Variants in PLCXD3 observed in about 807,000 individuals in gnomAD.
PLCXD3 encodes the protein PI-PLC X domain-containing protein 3.
PLCXD3 carries 19 observed loss-of-function variants against 25.5 expected under a neutral mutation model. The ratio of observed to expected loss-of-function variants is 0.75; its 90% CI spans 0.52 to 1.09. The LOEUF (loss-of-function observed/expected upper bound fraction) is 1.09. PLCXD3 is among the 50% of genes least tolerant of loss of function. PLCXD3 has a pLI of 0.00. For missense variants in PLCXD3, 411 were observed against 388.1 expected (o/e 1.06, Z -0.50); for synonymous variants, 174 against 137.6 (o/e 1.26, Z -1.85).
At chr5:41,470,171 G>A (rs1045447626) in intron 1 of PLCXD3, among the ~76,000 whole-genome samples, 1 of 152,106 alleles carries the variant, frequency 6.6e-6, no homozygotes, top group Non-Finnish European at 1.5e-5. Context: ...CCAAACAAAG[G>A]GGGGTGGCAG....
chr5:41,491,870 G>C (rs1461681785), intron 1 of PLCXD3, among the ~76,000 whole-genome samples: 1 of 151,974 alleles, frequency 6.6e-6, no homozygotes, highest in Non-Finnish European at 1.5e-5. Context: ...CACACTGATG[G>C]GTCTTGACTC....
chr5:41,367,215 A>T (rs985989738), intron 2 of PLCXD3, among the ~76,000 whole-genome samples: 2 of 152,066 alleles, frequency 1.3e-5, no homozygotes, highest in Non-Finnish European at 2.9e-5. Context: ...GAATTGACAC[A>T]TTGTCTTCCA....
chr5:41,421,564 G>A (rs969554365), intron 1 of PLCXD3, among the ~76,000 whole-genome samples: 1 of 152,282 alleles, frequency 6.6e-6, no homozygotes, highest in Non-Finnish European at 1.5e-5. Flanking sequence ...AACCGGGCGC[G>A]GTGGCGGGGG....
intron 2 of PLCXD3, among the ~76,000 whole-genome samples, chr5:41,354,729 C>T (rs1174766772): frequency 6.6e-6 from 1 of 152,120 alleles, no homozygotes; most frequent in African/African-American, 2.4e-5. Context: ...GTAATATTGT[C>T]TCACTCAAAC....
chr5:41,463,215 CAGACTTGGTACCTTCT>C (rs369944945), intron 1 of PLCXD3, among the ~76,000 whole-genome samples: 2,100 of 152,096 alleles, frequency 0.014, 53 homozygotes, highest in African/African-American at 0.047. Flanking sequence ...CAAAGTACCA[CAGACTTGGTACCTTCT>C]AGACAATAAA....
intron 1 of PLCXD3, among the ~76,000 whole-genome samples, chr5:41,436,179 T>C (rs564101775): frequency 6.6e-6 from 1 of 152,126 alleles, no homozygotes; most frequent in South Asian, 2.1e-4. Flanking sequence ...ATATTACATG[T>C]GGTTCAACTC....
intron 1 of PLCXD3, among the ~76,000 whole-genome samples, chr5:41,499,004 C>T (rs1748896112): frequency 6.6e-6 from 1 of 151,100 alleles, no homozygotes; most frequent in South Asian, 2.1e-4. Context: ...AGAAATATAC[C>T]TTGACACAAT....
intron 2 of PLCXD3, among the ~76,000 whole-genome samples, chr5:41,360,604 A>T: frequency 6.6e-6 from 1 of 152,186 alleles, no homozygotes; most frequent in East Asian, 1.9e-4. Flanking sequence ...CCTGAGAGCC[A>T]AAATGCAGTG....
intron 1 of PLCXD3, among the ~76,000 whole-genome samples, chr5:41,403,849 G>A (rs968596872): frequency 3.3e-5 from 5 of 150,632 alleles, no homozygotes; most frequent in African/African-American, 1.2e-4. Context: ...ATTGTGAATA[G>A]TGCCGCAATA....
intron 1 of PLCXD3, among the ~76,000 whole-genome samples, chr5:41,414,823 C>T (rs924251988): frequency 1.3e-5 from 2 of 152,194 alleles, no homozygotes; most frequent in Admixed American, 1.3e-4. Context: ...GTCTACACTA[C>T]CCACTCCTTA....
chr5:41,465,035 A>C (rs1318087491), intron 1 of PLCXD3, among the ~76,000 whole-genome samples: 1 of 151,956 alleles, frequency 6.6e-6, no homozygotes, highest in African/African-American at 2.4e-5. Context: ...TCAACTGTAC[A>C]TTTTTTGGGG....
At chr5:41,322,243 T>C (rs1267316361) in intron 2 of PLCXD3, among the ~76,000 whole-genome samples, 6 of 152,172 alleles carry the variant, frequency 3.9e-5, no homozygotes, top group African/African-American at 7.2e-5. Context: ...GAAAAAAAGC[T>C]AATTAATTAA....
intron 1 of PLCXD3, among the ~76,000 whole-genome samples, chr5:41,469,241 G>A (rs1049163913): frequency 1.3e-5 from 2 of 152,064 alleles, no homozygotes; most frequent in African/African-American, 4.8e-5. Context: ...TGATCATGAT[G>A]AATCATTCTT....
At chr5:41,478,761 G>C (rs765893309) in intron 1 of PLCXD3, among the ~76,000 whole-genome samples, 20 of 152,188 alleles carry the variant, frequency 1.3e-4, no homozygotes, top group Non-Finnish European at 1.9e-4. Context: ...ATGAAGAAAA[G>C]AGATTTAATT....
chr5:41,324,432 T>C (rs946144257), intron 2 of PLCXD3, among the ~76,000 whole-genome samples: 1 of 152,214 alleles, frequency 6.6e-6, no homozygotes, highest in African/African-American at 2.4e-5. Context: ...TACATTTTCC[T>C]GTCAGACCCA....
intron 2 of PLCXD3, among the ~76,000 whole-genome samples, chr5:41,349,068 A>G (rs1048178172): frequency 5.3e-5 from 8 of 152,220 alleles, no homozygotes; most frequent in Non-Finnish European, 8.8e-5. Context: ...GACAATATCC[A>G]TCTACAGATA....
Position 41,348,815 on chromosome 5 carries a change from G to A in PLCXD3, c.812+33011C>T, listed in dbSNP as rs565036277. On this transcript the variant is annotated intron_variant, in intron 2 of 2. Transcript: ENST00000377801. The stretch of plus-strand genomic sequence containing the variant: ...CCATGACTGCTTGGCAAAGGAGAAG[G>A]AAGACTTTTAAACCTCCTGGGAATG... Among the ~76,000 whole-genome samples, 25 of 152,212 alleles carry A rather than the reference G, an allele frequency of 1.6e-4. No homozygotes were observed. The South Asian group carries it at 5.2e-3, about 32-fold the overall frequency.
At chr5:41,505,447 TCTGATG>T (rs1353822223) in intron 1 of PLCXD3, among the ~76,000 whole-genome samples, 11 of 152,364 alleles carry the variant, frequency 7.2e-5, no homozygotes, top group Middle Eastern at 6.8e-3. Flanking sequence ...TTGATGGCTT[TCTGATG>T]CTACATTTTG....
At chr5:41,440,764 C>T (rs987875239) in intron 1 of PLCXD3, among the ~76,000 whole-genome samples, 1 of 151,602 alleles carries the variant, frequency 6.6e-6, no homozygotes, top group Non-Finnish European at 1.5e-5. Context: ...TCACGATAAC[C>T]GTGTTATTTC....
Sources: gnomAD v4.1 joint callset for allele counts (sites outside exome capture counted in the v4.1 genomes callset) on GRCh38, gnomAD v4.1.1 for gene constraint, MANE v1.5 for transcripts, NCBI Gene and HGNC (gene_info 2026-07-23, HGNC 2026-07-21) for gene names.